Variants in SMYD3 observed in about 807,000 individuals in gnomAD.
SMYD3 encodes SET and MYND domain containing 3.
A neutral mutation model predicts 57.7 loss-of-function variants in SMYD3; 36 were observed. That is an observed-to-expected ratio of 0.62 (90% CI 0.48 to 0.82). SMYD3 has a LOEUF of 0.82. Ranked by LOEUF, SMYD3 falls within the 40% of genes least tolerant of loss-of-function variation. The pLI, the probability that SMYD3 is intolerant of heterozygous loss-of-function variation, is 0.00. For synonymous variants in SMYD3, 211 were observed against 195.0 expected, an observed-to-expected ratio of 1.08 and a Z score of -0.68; for missense variants, 515 against 538.8, an observed-to-expected ratio of 0.96 and a Z score of 0.44.
At chr1:245,927,872 G>A (rs1432425925) in intron 7 of SMYD3, 59 bp downstream of exon 7, 9 of 1,386,148 alleles carry the variant, frequency 6.5e-6, no homozygotes, top group Middle Eastern at 2.0e-4. Context: ...GGGACGGGCC[G>A]AGCTGAGAGG....
intron 1 of SMYD3, among the ~76,000 whole-genome samples, chr1:246,386,688 T>C (rs1190648882): frequency 6.6e-6 from 1 of 151,314 alleles, no homozygotes; most frequent in Admixed American, 6.6e-5. Context: ...GAGGAGACCA[T>C]ATAAGAACTG....
At chr1:245,822,537 T>TA (rs2049225303) in intron 10 of SMYD3, among the ~76,000 whole-genome samples, 2 of 146,026 alleles carry the variant, frequency 1.4e-5, no homozygotes, top group African/African-American at 5.4e-5. Context: ...CCCTAAAACT[T>TA]AAAGTATAAT....
At chr1:245,780,475 C>T (rs1213753670) in intron 10 of SMYD3, among the ~76,000 whole-genome samples, 1 of 151,972 alleles carries the variant, frequency 6.6e-6, no homozygotes, top group Non-Finnish European at 1.5e-5. Context: ...TGACAAATCC[C>T]GAATAGGCAA....
intron 1 of SMYD3, among the ~76,000 whole-genome samples, chr1:246,362,509 G>A (rs891927339): frequency 2.6e-5 from 4 of 151,376 alleles, no homozygotes; most frequent in African/African-American, 4.9e-5. Flanking sequence ...CTCTGATGCC[G>A]AGCCGAAGCT....
chr1:246,049,862 A>G (rs1291391637), intron 5 of SMYD3, among the ~76,000 whole-genome samples: 2 of 152,222 alleles, frequency 1.3e-5, no homozygotes, highest in South Asian at 2.1e-4. Flanking sequence ...ACCCATCTCA[A>G]TGTTTCAGTC....
At chr1:246,308,973 T>G (rs1263858471) in intron 5 of SMYD3, among the ~76,000 whole-genome samples, 2 of 152,156 alleles carry the variant, frequency 1.3e-5, no homozygotes, top group South Asian at 4.1e-4. Flanking sequence ...GATTTTATTA[T>G]CCATCTAAAA....
chr1:246,452,636 G>A (rs2067648480), intron 1 of SMYD3, among the ~76,000 whole-genome samples: 1 of 152,148 alleles, frequency 6.6e-6, no homozygotes, highest in African/African-American at 2.4e-5. Flanking sequence ...GATTCCAGGA[G>A]AGTTCACTAT....
intron 11 of SMYD3, among the ~76,000 whole-genome samples, chr1:245,757,970 T>C (rs2045680419): frequency 6.6e-6 from 1 of 152,138 alleles, no homozygotes; most frequent in South Asian, 2.1e-4. Flanking sequence ...AAAAAAGCCA[T>C]TGGGATTTTG....
rs150620384 is a variant in SMYD3 at position 246,504,215 on chromosome 1, T to C, written c.164+2839A>G. Among the ~76,000 whole-genome samples the C allele has an allele frequency of 5.0e-3, 767 of 152,290 alleles. 4 individuals carry two copies. Among genetic ancestry groups the C allele is most frequent in the African/African-American group, 0.017 (686 of 41,556 alleles). ...GAAATCATGTAAAACTTGGTAACCATTGTTTCTGGAGCCTAAGGAAGTAGA... is the reference window on the plus strand; with the variant it reads ...GAAATCATGTAAAACTTGGTAACCACTGTTTCTGGAGCCTAAGGAAGTAGA... On this transcript the variant is annotated intron_variant, in intron 1 of 11. Transcript: ENST00000490107.
chr1:246,318,281 G>A (rs556854513), intron 5 of SMYD3, among the ~76,000 whole-genome samples: 2 of 152,096 alleles, frequency 1.3e-5, no homozygotes, highest in African/African-American at 2.4e-5. Context: ...AGCTGGGCAG[G>A]GGAATCACTT....
chr1:246,132,916 T>C (rs1036897373), intron 5 of SMYD3, among the ~76,000 whole-genome samples: 1 of 152,122 alleles, frequency 6.6e-6, no homozygotes, highest in South Asian at 2.1e-4. Flanking sequence ...GAAATGCATA[T>C]TGAAGCCATA....
intron 5 of SMYD3, among the ~76,000 whole-genome samples, chr1:246,045,559 G>A (rs1281965507): frequency 6.6e-6 from 1 of 151,968 alleles, no homozygotes; most frequent in African/African-American, 2.4e-5. Flanking sequence ...TACCATTCAG[G>A]ACATAGGCAT....
At chr1:246,165,590 T>C (rs1357129848) in intron 5 of SMYD3, among the ~76,000 whole-genome samples, 1 of 152,130 alleles carries the variant, frequency 6.6e-6, no homozygotes, top group African/African-American at 2.4e-5. Flanking sequence ...CGAAACAATC[T>C]TCCACCTTAT....
At chr1:246,036,678 T>C (rs902779752) in intron 5 of SMYD3, among the ~76,000 whole-genome samples, 10 of 150,124 alleles carry the variant, frequency 6.7e-5, no homozygotes, top group Non-Finnish European at 1.2e-4. Context: ...CTCAGCCTCC[T>C]GAGTAGCTGG....
At chr1:246,295,048 G>A (rs2064766594) in intron 5 of SMYD3, among the ~76,000 whole-genome samples, 1 of 152,094 alleles carries the variant, frequency 6.6e-6, no homozygotes, top group South Asian at 2.1e-4. Flanking sequence ...TGAATAATAT[G>A]TAATAATAAA....
intron 5 of SMYD3, among the ~76,000 whole-genome samples, chr1:246,131,637 T>C (rs967186504): frequency 1.3e-5 from 2 of 152,244 alleles, no homozygotes; most frequent in East Asian, 1.9e-4. Flanking sequence ...CTCTTACTGA[T>C]TGTCTTTTGT....
intron 10 of SMYD3, among the ~76,000 whole-genome samples, chr1:245,781,632 T>C (rs1234653590): frequency 2.0e-5 from 3 of 152,186 alleles, no homozygotes; most frequent in African/African-American, 7.2e-5. Context: ...TTTAAAACAG[T>C]TCAGCACATG....
intron 5 of SMYD3, among the ~76,000 whole-genome samples, chr1:246,307,122 T>C (rs898481010): frequency 2.6e-5 from 4 of 152,244 alleles, no homozygotes; most frequent in Admixed American, 2.0e-4. Context: ...TTCACACTTT[T>C]AGTCCACATG....
At chr1:246,148,957 C>G (rs886092459) in intron 5 of SMYD3, among the ~76,000 whole-genome samples, 5 of 152,216 alleles carry the variant, frequency 3.3e-5, no homozygotes, top group Non-Finnish European at 7.3e-5. Context: ...GAAAACCCTA[C>G]AACTCAGGGT....
Sources: gnomAD v4.1 joint callset for allele counts (sites outside exome capture counted in the v4.1 genomes callset) on GRCh38, gnomAD v4.1.1 for gene constraint, MANE v1.5 for transcripts, NCBI Gene and HGNC (gene_info 2026-07-23, HGNC 2026-07-21) for gene names.